Variants in CRTAC1 observed in about 807,000 individuals in gnomAD.
CRTAC1 encodes the protein acidic secreted protein in cartilage.
CRTAC1 carries 37 observed loss-of-function variants against 67.8 expected under a neutral mutation model. The observed-to-expected ratio is 0.55, with a 90% CI of 0.42 to 0.72. The LOEUF is 0.72. CRTAC1 is among the 30% of genes least tolerant of loss of function. CRTAC1 has a pLI of 0.00. For missense variants in CRTAC1, 780 were observed against 931.6 expected, an observed-to-expected ratio of 0.84 and a Z score of 2.12; for synonymous variants, 348 against 371.0, an observed-to-expected ratio of 0.94 and a Z score of 0.71.
At chr10:97,906,102 A>T (rs1401561062) in intron 6 of CRTAC1, among the ~76,000 whole-genome samples, 1 of 152,186 alleles carries the variant, frequency 6.6e-6, no homozygotes, top group Non-Finnish European at 1.5e-5. Flanking sequence ...AGCTCTTGCC[A>T]GAAGGCAGGG....
At chr10:97,953,078 T>G (rs2051385546) in intron 2 of CRTAC1, among the ~76,000 whole-genome samples, 1 of 152,050 alleles carries the variant, frequency 6.6e-6, no homozygotes, top group Non-Finnish European at 1.5e-5. Context: ...GCCAGCGATT[T>G]TATTTCATTA....
chr10:97,925,629 G>A (rs2050901788), intron 3 of CRTAC1, among the ~76,000 whole-genome samples: 1 of 146,582 alleles, frequency 6.8e-6, no homozygotes, highest in African/African-American at 2.5e-5. Flanking sequence ...TGAGTGTGAG[G>A]GGAGGGTGAG....
intron 3 of CRTAC1, among the ~76,000 whole-genome samples, chr10:97,931,667 T>C (rs1044347384): frequency 2.6e-5 from 4 of 152,236 alleles, no homozygotes; most frequent in African/African-American, 9.6e-5. Context: ...AGCTCTTCAA[T>C]CATTTTGTGG....
chr10:97,923,310 A>T lies in CRTAC1; in HGVS notation c.512T>A (p.Val171Glu), dbSNP rs1426945991. The part of the protein sequence containing the change: ...LSDEVNVARG[V>E]ASLFAGRSVA... The stretch of plus-strand genomic sequence containing the variant: ...AGAGCGTCCGGCAAAGAGGCTGGCC[A>T]CACCACGGGCCACGTTGACCTCATC... Residue 171 changes from valine to glutamate, a missense_variant, in exon 4 of 15, where the codon GTG (valine) becomes GAG (glutamate). By Grantham distance (121) the Val-to-Glu change is moderately radical. Coordinates refer to ENST00000370597, the MANE Select transcript of CRTAC1 (RefSeq NM_018058.7). The T allele has an allele frequency of 6.2e-7, 1 of 1,614,134 alleles. No individual in the cohort carries two copies. Among genetic ancestry groups the T allele is most frequent in the Non-Finnish European group, 8.5e-7 (1 of 1,180,032 alleles).
chr10:97,969,514 T>A (rs946092851), intron 2 of CRTAC1, among the ~76,000 whole-genome samples: 1 of 152,214 alleles, frequency 6.6e-6, no homozygotes, highest in Non-Finnish European at 1.5e-5. Context: ...CAATGTGCTT[T>A]GCTTGTTGAT....
chr10:97,923,248 G>A lies in CRTAC1; in HGVS notation c.558+16C>T. The A allele has an allele frequency of 6.2e-7, 1 of 1,613,822 alleles. No homozygotes were observed. The highest frequency in any genetic ancestry group is 1.1e-5 in the South Asian group (1 of 91,072). Reference sequence around the variant, plus strand: ...ATGTGGCTTCTCCCCAGGACCCCATGTGCCCCTGCACTCACCTTTCTGTCC... The same window carrying A: ...ATGTGGCTTCTCCCCAGGACCCCATATGCCCCTGCACTCACCTTTCTGTCC... On this transcript the variant is annotated intron_variant, in intron 4 of 14. Coordinates refer to ENST00000370597, the MANE Select transcript of CRTAC1 (RefSeq NM_018058.7).
chr10:98,030,287 CCT>C lies in CRTAC1; in HGVS notation c.24+160_24+161del, dbSNP rs1843343733. Reference sequence around the variant, plus strand: ...CTCCGCGCGCCAATCGAGTCCAGCGCCTCCCAGCAAGTTAGGAGCGAAGCCGC... The same window carrying C: ...CTCCGCGCGCCAATCGAGTCCAGCGCCCCAGCAAGTTAGGAGCGAAGCCGC... On this transcript the variant is annotated intron_variant, in intron 1 of 14. Coordinates refer to ENST00000370597, the MANE Select transcript of CRTAC1 (RefSeq NM_018058.7). The surrounding 1 kb of genome is among the most constrained non-coding windows in gnomAD (Gnocchi z 4.2). 6.6e-6 allele frequency among the ~76,000 whole-genome samples: 1 copy of C among 152,154 alleles called. No individual in the cohort carries two copies. Among genetic ancestry groups the C allele is most frequent in the Non-Finnish European group, 1.5e-5 (1 of 67,994 alleles).
intron 13 of CRTAC1, among the ~76,000 whole-genome samples, chr10:97,880,989 T>A (rs1360569757): frequency 6.6e-6 from 1 of 152,116 alleles, no homozygotes; most frequent in African/African-American, 2.4e-5. Flanking sequence ...CCTCTCTCTG[T>A]CACCTCTTTC....
At chr10:97,951,725 T>C (rs1424778394) in intron 2 of CRTAC1, among the ~76,000 whole-genome samples, 1 of 152,230 alleles carries the variant, frequency 6.6e-6, no homozygotes, top group African/African-American at 2.4e-5. Flanking sequence ...AGATATTAGG[T>C]AAGCAGACAT....
chr10:97,966,073 G>C (rs1438962531), intron 2 of CRTAC1, among the ~76,000 whole-genome samples: 1 of 152,178 alleles, frequency 6.6e-6, no homozygotes, highest in East Asian at 1.9e-4. Context: ...TACATAGGTA[G>C]GGAAAGCTGA....
At chr10:97,919,092 C>T (rs3793701) in intron 4 of CRTAC1, among the ~76,000 whole-genome samples, 10,791 of 152,048 alleles carry the variant, frequency 0.071, 476 homozygotes, top group African/African-American at 0.12. Context: ...CCGTGCTTGG[C>T]CAATCTTTGA....
chr10:97,970,481 CA>C (rs1293687751), intron 2 of CRTAC1, among the ~76,000 whole-genome samples: 1 of 152,204 alleles, frequency 6.6e-6, no homozygotes, highest in Non-Finnish European at 1.5e-5. Context: ...TGGCTGCACT[CA>C]GTTCTTATTT....
At chr10:97,914,608 A>G (rs75138975) in intron 5 of CRTAC1, among the ~76,000 whole-genome samples, 6,893 of 152,184 alleles carry the variant, frequency 0.045, 512 homozygotes, top group African/African-American at 0.15. Context: ...TGTCCTCAGA[A>G]AAGCTGAGGG....
intron 2 of CRTAC1, among the ~76,000 whole-genome samples, chr10:97,997,273 A>T (rs891782594): frequency 7.0e-6 from 1 of 141,908 alleles, no homozygotes; most frequent in South Asian, 2.2e-4. Flanking sequence ...AATAATAAAT[A>T]AAATAAAATA....
intron 7 of CRTAC1, among the ~76,000 whole-genome samples, chr10:97,903,825 C>T (rs2050573248): frequency 6.6e-6 from 1 of 152,082 alleles, no homozygotes; most frequent in Non-Finnish European, 1.5e-5. Context: ...GAATTCTTGG[C>T]ATCGGTCTAT....
chr10:97,874,724 C>G (rs1206693415), intron 14 of CRTAC1, among the ~76,000 whole-genome samples: 1 of 152,076 alleles, frequency 6.6e-6, no homozygotes, highest in South Asian at 2.1e-4. Flanking sequence ...AGGTATTATC[C>G]CCATCTTGCA....
At chr10:97,939,826 T>A (rs2051146282) in intron 2 of CRTAC1, among the ~76,000 whole-genome samples, 1 of 152,134 alleles carries the variant, frequency 6.6e-6, no homozygotes, top group African/African-American at 2.4e-5. Flanking sequence ...CTGCCCCGAC[T>A]GCCCCTGCTG....
At chr10:98,005,098 A>ATTTTTTTTTT (rs1347220699) in intron 2 of CRTAC1, among the ~76,000 whole-genome samples, 98 of 38,192 alleles carry the variant, frequency 2.6e-3, no homozygotes, top group Non-Finnish European at 3.6e-3. Context: ...ATATATATAT[A>ATTTTTTTTTT]TATTTTTTTT....
chr10:97,915,521 C>T (rs1299886811), intron 5 of CRTAC1, among the ~76,000 whole-genome samples: 3 of 152,202 alleles, frequency 2.0e-5, no homozygotes, highest in African/African-American at 7.2e-5. Context: ...CTCAGGCCCC[C>T]TGGCACCACA....
Sources: gnomAD v4.1 joint callset for allele counts (sites outside exome capture counted in the v4.1 genomes callset) on GRCh38, gnomAD v4.1.1 for gene constraint, Gnocchi (gnomAD v3.1) non-coding constraint, MANE v1.5 for transcripts, NCBI Gene and HGNC (gene_info 2026-07-23, HGNC 2026-07-21) for gene names.